RAB3C: variants seen among roughly 807,000 people sequenced by gnomAD.
The protein encoded by RAB3C is ras-related protein Rab-3C.
In RAB3C, 17 loss-of-function variants were observed where a neutral mutation model predicts 26.4. The observed-to-expected ratio is 0.64, with a 90% confidence interval of 0.44 to 0.97. RAB3C has a LOEUF of 0.97. RAB3C is among the 50% of genes least tolerant of loss of function. The pLI is 0.00. For missense variants in RAB3C, 242 were observed against 281.9 expected, an observed-to-expected ratio of 0.86 and a Z score of 1.01; for synonymous variants, 91 against 95.9, an observed-to-expected ratio of 0.95 and a Z score of 0.30.
In RAB3C at chr5:58,854,734, A is replaced by T. The variant is rs1744221280; in HGVS notation, c.*3383A>T. ...TGCTAAGATTTTTACTTGGAAAGAA[A>T]ACTATGACAATGCCTTCAGTTGTAG... On this transcript the variant is annotated 3_prime_UTR_variant, in exon 5 of 5. Transcript: ENST00000282878. 1 of 152,202 alleles carries T rather than the reference A, an allele frequency of 6.6e-6. No individual in the cohort carries two copies. Among genetic ancestry groups the T allele is most frequent in the Non-Finnish European group, 1.5e-5 (1 of 68,032 alleles). 9.4% of individuals were successfully genotyped at this position (152,202 alleles called of 1,614,324 possible). A position where few individuals can be genotyped will look rare whatever the true frequency, so the allele number is the denominator to read the frequency against.
intron 3 of RAB3C, among the ~76,000 whole-genome samples, chr5:58,762,321 A>G (rs116286908): frequency 0.016 from 2,450 of 152,274 alleles, 60 homozygotes; most frequent in Admixed American, 0.064. Context: ...TGTTAGTATC[A>G]TCTCGTCAGT....
At chr5:58,659,151 A>G (rs971200813) in intron 2 of RAB3C, among the ~76,000 whole-genome samples, 2 of 152,226 alleles carry the variant, frequency 1.3e-5, no homozygotes, top group African/African-American at 4.8e-5. Flanking sequence ...TCACATAGGA[A>G]AACAATTCTC....
chr5:58,617,041 G>T (rs537946891), intron 1 of RAB3C, among the ~76,000 whole-genome samples: 1 of 149,922 alleles, frequency 6.7e-6, no homozygotes, highest in East Asian at 2.0e-4. Context: ...CATCTCATTG[G>T]GTTACTGTGA....
At chr5:58,728,655 A>T (rs771962816) in intron 3 of RAB3C, among the ~76,000 whole-genome samples, 2 of 151,982 alleles carry the variant, frequency 1.3e-5, no homozygotes, top group Non-Finnish European at 2.9e-5. Flanking sequence ...GACAACATAT[A>T]CAAGCCCAGA....
chr5:58,667,962 G>A (rs1418527712), intron 2 of RAB3C, among the ~76,000 whole-genome samples: 1 of 152,026 alleles, frequency 6.6e-6, no homozygotes, highest in African/African-American at 2.4e-5. Flanking sequence ...TCAAAAACAG[G>A]TGAAGTTTAC....
intron 2 of RAB3C, among the ~76,000 whole-genome samples, chr5:58,710,157 C>G (rs1245202392): frequency 2.0e-5 from 3 of 151,996 alleles, no homozygotes; most frequent in Non-Finnish European, 4.4e-5. Flanking sequence ...TTTAGATACT[C>G]CATTTGAATG....
intron 3 of RAB3C, among the ~76,000 whole-genome samples, chr5:58,775,846 A>G (rs1742120327): frequency 6.6e-6 from 1 of 152,048 alleles, no homozygotes; most frequent in African/African-American, 2.4e-5. Context: ...AATGCTGTGG[A>G]TATGCTGATG....
intron 3 of RAB3C, among the ~76,000 whole-genome samples, chr5:58,740,997 G>C (rs1028999142): frequency 3.3e-5 from 5 of 152,038 alleles, no homozygotes; most frequent in Admixed American, 2.0e-4. Flanking sequence ...TACAAATTTG[G>C]GGTTTTCTGT....
chr5:58,837,556 TC>T (rs1743776468), intron 4 of RAB3C, among the ~76,000 whole-genome samples: 2 of 119,388 alleles, frequency 1.7e-5, no homozygotes, highest in African/African-American at 3.4e-5. Context: ...TTTCAGTCTC[TC>T]TTTTTTTTTT....
intron 3 of RAB3C, among the ~76,000 whole-genome samples, chr5:58,738,327 A>T: frequency 6.6e-6 from 1 of 152,168 alleles, no homozygotes. Flanking sequence ...TGTCTTAGTT[A>T]AGCATTTTGC....
At chr5:58,787,189 G>A (rs1334083663) in intron 3 of RAB3C, among the ~76,000 whole-genome samples, 1 of 152,228 alleles carries the variant, frequency 6.6e-6, no homozygotes, top group African/African-American at 2.4e-5. Flanking sequence ...GCTGAAAATA[G>A]TTTTGCGTGG....
intron 3 of RAB3C, among the ~76,000 whole-genome samples, chr5:58,803,864 G>T (rs927955360): frequency 6.6e-6 from 1 of 152,004 alleles, no homozygotes; most frequent in African/African-American, 2.4e-5. Flanking sequence ...TTCGAGACCA[G>T]CCTGGCCAAC....
intron 1 of RAB3C, among the ~76,000 whole-genome samples, chr5:58,598,996 G>A (rs1746391155): frequency 1.3e-5 from 2 of 151,990 alleles, no homozygotes; most frequent in African/African-American, 4.8e-5. Context: ...TGCTCATCTC[G>A]CTATTCTTAT....
At chr5:58,832,369 C>T (rs1384578815) in intron 4 of RAB3C, among the ~76,000 whole-genome samples, 1 of 152,186 alleles carries the variant, frequency 6.6e-6, no homozygotes, top group African/African-American at 2.4e-5. Flanking sequence ...AGTGGGGTCA[C>T]ACTAGGAGTT....
At chr5:58,676,252 C>G (rs899852893) in intron 2 of RAB3C, among the ~76,000 whole-genome samples, 7 of 152,004 alleles carry the variant, frequency 4.6e-5, no homozygotes, top group Admixed American at 3.9e-4. Flanking sequence ...ACCTGTAATC[C>G]CAGAACTTTG....
At chr5:58,630,514 C>T (rs1475436549) in intron 2 of RAB3C, among the ~76,000 whole-genome samples, 2 of 152,086 alleles carry the variant, frequency 1.3e-5, no homozygotes, top group Non-Finnish European at 2.9e-5. Flanking sequence ...AAAGACAGTA[C>T]AATTAGTGAG....
chr5:58,840,272 A>AT (rs966584282), intron 4 of RAB3C, among the ~76,000 whole-genome samples: 3 of 151,132 alleles, frequency 2.0e-5, no homozygotes, highest in East Asian at 1.9e-4. Flanking sequence ...CTCAATGGTA[A>AT]TTTTTTTATT....
intron 3 of RAB3C, among the ~76,000 whole-genome samples, chr5:58,773,561 A>G (rs1030707218): frequency 1.9e-4 from 29 of 152,248 alleles, no homozygotes; most frequent in African/African-American, 6.3e-4. Flanking sequence ...GAGTCAGAAG[A>G]GCTCTAATGA....
intron 3 of RAB3C, among the ~76,000 whole-genome samples, chr5:58,781,960 G>A (rs545685005): frequency 9.5e-4 from 144 of 151,790 alleles, no homozygotes; most frequent in Non-Finnish European, 1.6e-3. Flanking sequence ...CCCTTCTACC[G>A]AATCTCTACC....
Sources: gnomAD v4.1 joint callset for allele counts (sites outside exome capture counted in the v4.1 genomes callset) on GRCh38, gnomAD v4.1.1 for gene constraint, MANE v1.5 for transcripts, NCBI Gene and HGNC (gene_info 2026-07-23, HGNC 2026-07-21) for gene names.